The following BLTP1 variants were observed in gnomAD, a reference collection of about 807,000 sequenced individuals.
The protein encoded by BLTP1 is fragile site-associated protein.
the BLTP1 span, among the ~76,000 whole-genome samples, chr4:122,323,546 T>C: frequency 4.6e-5 from 7 of 151,904 alleles, no homozygotes; most frequent in South Asian, 4.2e-4. Flanking sequence ...GAAAGTTTGA[T>C]GCAGGGTTCC....
the BLTP1 span, chr4:122,187,936 G>A: frequency 1.6e-5 from 26 of 1,587,056 alleles, no homozygotes; most frequent in Middle Eastern, 1.7e-4. Context: ...CGCAAACTCT[G>A]TGCATCAACT....
chr4:122,211,455 C>T, the BLTP1 span, among the ~76,000 whole-genome samples: 1 of 152,144 alleles, frequency 6.6e-6, no homozygotes, highest in East Asian at 1.9e-4. Flanking sequence ...AGAAGTACTA[C>T]ATATATCTGA....
the BLTP1 span, among the ~76,000 whole-genome samples, chr4:122,322,960 C>T: frequency 6.6e-6 from 1 of 152,058 alleles, no homozygotes; most frequent in East Asian, 1.9e-4. Context: ...GACTTTTCTC[C>T]TGAGGGGATT....
chr4:122,251,292 G>A, the BLTP1 span: 1 of 979,152 alleles, frequency 1.0e-6, no homozygotes, highest in Non-Finnish European at 1.2e-6. Flanking sequence ...TTAAACGTAT[G>A]TACATATATT....
the BLTP1 span, among the ~76,000 whole-genome samples, chr4:122,287,256 A>G: frequency 6.6e-6 from 1 of 152,236 alleles, no homozygotes; most frequent in Non-Finnish European, 1.5e-5. Flanking sequence ...ATTGAAAGAT[A>G]AATTAGACTT....
At chr4:122,224,239 T>A in the BLTP1 span, 1 of 385,286 alleles carries the variant, frequency 2.6e-6, no homozygotes, top group Non-Finnish European at 3.5e-6. Context: ...CAGTTACCAA[T>A]CAGAGATCTG....
chr4:122,220,506 A>T, the BLTP1 span: 3 of 1,513,298 alleles, frequency 2.0e-6, no homozygotes, highest in African/African-American at 2.8e-5. Context: ...AGACATAGAG[A>T]TTTATTATTA....
chr4:122,214,578 A>C, the BLTP1 span: 1 of 904,368 alleles, frequency 1.1e-6, no homozygotes, highest in South Asian at 5.1e-5. Context: ...CATTTGATCA[A>C]CCTTTTTGGT....
At chr4:122,294,832 C>A in the BLTP1 span, among the ~76,000 whole-genome samples, 1 of 152,098 alleles carries the variant, frequency 6.6e-6, no homozygotes, top group Non-Finnish European at 1.5e-5. Flanking sequence ...GCTAAAAGAA[C>A]ATGTTCTAAC....
chr4:122,288,728 G>T, the BLTP1 span: 8 of 562,740 alleles, frequency 1.4e-5, no homozygotes, highest in Non-Finnish European at 1.8e-5. Context: ...ATGATTCTAA[G>T]ACCACAAAAG....
chr4:122,274,670 A>C, the BLTP1 span: 1 of 973,824 alleles, frequency 1.0e-6, no homozygotes, highest in East Asian at 1.1e-4. Flanking sequence ...GAGCAGTTTC[A>C]TGTTAACTAC....
At chr4:122,153,158 CGT>C in the BLTP1 span, 3 of 146,494 alleles carry the variant, frequency 2.0e-5, no homozygotes, top group South Asian at 5.4e-4. Context: ...TAGTTGTTGT[CGT>C]TTTTTTTTTT....
chr4:122,209,036 A>C, the BLTP1 span: 3 of 1,084,994 alleles, frequency 2.8e-6, no homozygotes, highest in Non-Finnish European at 3.5e-6. Flanking sequence ...AAAATAAATA[A>C]AATTTGTTAA....
At chr4:122,352,951 G>A in the BLTP1 span, 1 of 1,613,982 alleles carries the variant, frequency 6.2e-7, no homozygotes, top group South Asian at 1.1e-5. Flanking sequence ...ATTGAAGGTG[G>A]TATCAGGATG....
the BLTP1 span, chr4:122,255,314 G>T: frequency 2.7e-6 from 4 of 1,455,898 alleles, no homozygotes; most frequent in African/African-American, 1.4e-5. Flanking sequence ...TAGTTTTAAG[G>T]AATTCTCTAT....
At chr4:122,276,914 A>G in the BLTP1 span, 1 of 985,300 alleles carries the variant, frequency 1.0e-6, no homozygotes, top group Non-Finnish European at 1.2e-6. Flanking sequence ...GTTAAATGTG[A>G]TGAACTGGTT....
the BLTP1 span, among the ~76,000 whole-genome samples, chr4:122,361,757 CTG>C: frequency 6.6e-6 from 1 of 152,150 alleles, no homozygotes; most frequent in East Asian, 1.9e-4. Context: ...TTTAAGATAA[CTG>C]TATAACAGGC....
At chr4:122,168,515 A>T in the BLTP1 span, among the ~76,000 whole-genome samples, 1 of 152,208 alleles carries the variant, frequency 6.6e-6, no homozygotes, top group African/African-American at 2.4e-5. Flanking sequence ...ACCATTATGT[A>T]ATATGTGAAT....
the BLTP1 span, among the ~76,000 whole-genome samples, chr4:122,205,689 ACT>A: frequency 5.8e-5 from 8 of 137,200 alleles, no homozygotes; most frequent in East Asian, 1.7e-3. Context: ...CTATAATAAT[ACT>A]GTTTCCAATT....
Sources: gnomAD v4.1 joint callset for allele counts (sites outside exome capture counted in the v4.1 genomes callset) on GRCh38, gnomAD v4.1.1 for gene constraint, MANE v1.5 for transcripts, NCBI Gene and HGNC (gene_info 2026-07-23, HGNC 2026-07-21) for gene names.